Variants in KIAA1958 observed in about 807,000 individuals in gnomAD.
KIAA1958 encodes the protein uncharacterized protein KIAA1958.
KIAA1958 carries 14 observed loss-of-function variants against 47.2 expected under a neutral mutation model. The observed-to-expected ratio is 0.30, with a 90% CI of 0.20 to 0.46. KIAA1958 has a LOEUF of 0.46. KIAA1958 is among the 20% of genes least tolerant of loss of function. The pLI is 1.00. For missense variants in KIAA1958, 803 were observed against 909.2 expected (o/e 0.88, Z 1.50); for synonymous variants, 354 against 353.3 (o/e 1.00, Z -0.02).
At chr9:112,648,331 A>G (rs1032512907) in intron 3 of KIAA1958, among the ~76,000 whole-genome samples, 3 of 152,222 alleles carry the variant, frequency 2.0e-5, no homozygotes, top group African/African-American at 4.8e-5. Context: ...CTGAGAGTCC[A>G]GAGAGACCAA....
chr9:112,535,957 ATT>A (rs1180546513), intron 1 of KIAA1958, among the ~76,000 whole-genome samples: 3 of 152,116 alleles, frequency 2.0e-5, no homozygotes, highest in African/African-American at 7.2e-5. Context: ...GCTCTGGTGG[ATT>A]GTGTCATATT....
intron 1 of KIAA1958, among the ~76,000 whole-genome samples, chr9:112,509,401 A>T (rs1343271168): frequency 2.0e-5 from 3 of 151,488 alleles, no homozygotes. Context: ...GGGTTTCACC[A>T]TGTTGGTCAG....
At chr9:112,536,780 C>A (rs1834861338) in intron 1 of KIAA1958, among the ~76,000 whole-genome samples, 1 of 151,886 alleles carries the variant, frequency 6.6e-6, no homozygotes, top group African/African-American at 2.4e-5. Flanking sequence ...GACCCTGTCT[C>A]CTGAAACAAA....
chr9:112,640,886 A>G (rs1042335083), intron 2 of KIAA1958, among the ~76,000 whole-genome samples: 2 of 151,834 alleles, frequency 1.3e-5, no homozygotes, highest in South Asian at 2.1e-4. Flanking sequence ...TTTGTTCTTT[A>G]TTTCTTTTAT....
chr9:112,584,073 A>G (rs940493196), intron 2 of KIAA1958, among the ~76,000 whole-genome samples: 3 of 152,108 alleles, frequency 2.0e-5, no homozygotes, highest in Non-Finnish European at 4.4e-5. Flanking sequence ...CTTAAAAAAA[A>G]AAATCTGAGT....
rs1185922097 is a variant in KIAA1958, at chr9:112,515,900, A to T, written c.-25+28782A>T. 2.6e-3 allele frequency among the ~76,000 whole-genome samples: 380 copies of T among 146,564 alleles called. 6 individuals are homozygous for T. The highest frequency in any genetic ancestry group is 9.0e-3 in the African/African-American group (362 of 40,176). On this transcript the variant is annotated intron_variant, in intron 1 of 3. Transcript: ENST00000337530. ...TATCAATAAAAAAATAAATTAAAAA[A>T]AAAAAAAAAAAAAGACTGAATGCTT...
chr9:112,530,589 T>C (rs531207812), intron 1 of KIAA1958, among the ~76,000 whole-genome samples: 1 of 152,362 alleles, frequency 6.6e-6, no homozygotes, highest in South Asian at 2.1e-4. Flanking sequence ...TGAAAATATA[T>C]AGGGTTACAG....
chr9:112,584,874 A>C (rs144721664), intron 2 of KIAA1958, among the ~76,000 whole-genome samples: 2 of 152,038 alleles, frequency 1.3e-5, no homozygotes, highest in Non-Finnish European at 2.9e-5. Context: ...AGCATGCACC[A>C]TGCTCCCCGC....
At chr9:112,611,037 C>T (rs1289666483) in intron 2 of KIAA1958, among the ~76,000 whole-genome samples, 1 of 152,048 alleles carries the variant, frequency 6.6e-6, no homozygotes, top group East Asian at 1.9e-4. Context: ...TTAAGAAATG[C>T]CTTATTAAAA....
In KIAA1958 at chr9:112,665,369, G is replaced by A. The variant is rs913577405; in HGVS notation, c.*5300G>A. On this transcript the variant is annotated 3_prime_UTR_variant, in exon 4 of 4. Transcript: ENST00000337530. ...ATATTCTCATGTAATCTTTACAACC[G>A]CTCTACAAGGTATGTCTAATTATTT... 6 of 152,146 alleles carry A rather than the reference G, an allele frequency of 3.9e-5. No homozygotes were observed. The East Asian group carries it at 1.2e-3, about 29-fold the overall frequency. The allele number at this position is 152,146 out of a possible 1,614,324, so 9.4% of individuals were successfully genotyped here.
intron 1 of KIAA1958, among the ~76,000 whole-genome samples, chr9:112,501,604 G>T (rs1231403551): frequency 6.6e-6 from 1 of 152,118 alleles, no homozygotes. Context: ...AAATAAAGAG[G>T]AGCCAACACC....
At chr9:112,588,259 A>G (rs1297056685) in intron 2 of KIAA1958, among the ~76,000 whole-genome samples, 1 of 152,212 alleles carries the variant, frequency 6.6e-6, no homozygotes, top group Non-Finnish European at 1.5e-5. Context: ...CTAGCTATTC[A>G]TATTCTAAGA....
chr9:112,533,663 A>C (rs1435503586), intron 1 of KIAA1958, among the ~76,000 whole-genome samples: 1 of 151,890 alleles, frequency 6.6e-6, no homozygotes, highest in Non-Finnish European at 1.5e-5. Context: ...CAGGAAACTT[A>C]AAATCATGGT....
chr9:112,636,169 A>C (rs1836802284), intron 2 of KIAA1958, among the ~76,000 whole-genome samples: 1 of 148,720 alleles, frequency 6.7e-6, no homozygotes, highest in African/African-American at 2.4e-5. Context: ...TAATATACTT[A>C]TTATTATTTA....
At chr9:112,496,259 G>T (rs1296531642) in intron 1 of KIAA1958, among the ~76,000 whole-genome samples, 1 of 152,198 alleles carries the variant, frequency 6.6e-6, no homozygotes, top group Non-Finnish European at 1.5e-5. Flanking sequence ...GTCTACAGCT[G>T]CATGCAGTAG....
chr9:112,641,767 T>C (rs1180292246), intron 2 of KIAA1958, among the ~76,000 whole-genome samples: 1 of 152,168 alleles, frequency 6.6e-6, no homozygotes, highest in Admixed American at 6.5e-5. Context: ...TTTAGCCATG[T>C]TCATTCTAGT....
At chr9:112,572,043 CA>C (rs1489620414) in intron 1 of KIAA1958, among the ~76,000 whole-genome samples, 2 of 151,916 alleles carry the variant, frequency 1.3e-5, no homozygotes, top group Non-Finnish European at 2.9e-5. Context: ...TGTCTGAGAC[CA>C]CAGGAGCAGT....
At chr9:112,501,718 C>G (rs947957532) in intron 1 of KIAA1958, among the ~76,000 whole-genome samples, 1 of 152,154 alleles carries the variant, frequency 6.6e-6, no homozygotes, top group South Asian at 2.1e-4. Flanking sequence ...AGCCAAGATT[C>G]GAAACCCTAA....
chr9:112,494,683 G>C (rs1028945237), intron 1 of KIAA1958, among the ~76,000 whole-genome samples: 1 of 152,062 alleles, frequency 6.6e-6, no homozygotes, highest in African/African-American at 2.4e-5. Flanking sequence ...ACCCAGGCTG[G>C]TCTCAAACTC....
Sources: allele counts gnomAD v4.1 joint callset (sites outside exome capture counted in the v4.1 genomes callset), GRCh38; gene constraint gnomAD v4.1.1; transcripts MANE v1.5; gene names NCBI Gene and HGNC (gene_info 2026-07-23, HGNC 2026-07-21).